Variants in ZBTB5 observed in about 807,000 individuals in gnomAD.
ZBTB5 encodes the protein zinc finger and BTB domain containing 5.
Under a neutral mutation model 37.9 loss-of-function variants are expected in ZBTB5, and 15 were observed. That is an observed-to-expected ratio of 0.40 (90% CI 0.26 to 0.61). The LOEUF (loss-of-function observed/expected upper bound fraction) is 0.61. Ranked by LOEUF, ZBTB5 falls within the 20% of genes least tolerant of loss-of-function variation. The probability of loss-of-function intolerance (pLI) is 0.47; values close to 1 mark genes in which losing one functional copy is unlikely to be tolerated. For synonymous variants in ZBTB5, 315 were observed against 312.4 expected (o/e 1.01, Z -0.09); for missense variants, 708 against 856.8 (o/e 0.83, Z 2.17).
chr9:37,446,184 A>G (rs1823974929), intron 1 of ZBTB5, among the ~76,000 whole-genome samples: 1 of 152,246 alleles, frequency 6.6e-6, no homozygotes, highest in Non-Finnish European at 1.5e-5. Context: ...ATGATATTCT[A>G]AAGGGATATA....
chr9:37,455,225 AAGG>A (rs530990077), intron 1 of ZBTB5, among the ~76,000 whole-genome samples: 135 of 152,246 alleles, frequency 8.9e-4, no homozygotes, highest in African/African-American at 3.0e-3. Context: ...GAGAGAAGAG[AAGG>A]AGCATCTGAA....
At chr9:37,451,555 CAAAAAA>C (rs67502719) in intron 1 of ZBTB5, among the ~76,000 whole-genome samples, 1 of 72,746 alleles carries the variant, frequency 1.4e-5, no homozygotes, top group African/African-American at 5.4e-5. Context: ...GAGACTATCT[CAAAAAA>C]AAAAAAAAAA....
At chr9:37,450,000 G>A (rs1320445651) in intron 1 of ZBTB5, among the ~76,000 whole-genome samples, 2 of 152,106 alleles carry the variant, frequency 1.3e-5, no homozygotes, top group Non-Finnish European at 2.9e-5. Context: ...AATAAGATTA[G>A]GGTGGAATGG....
In ZBTB5 at chr9:37,441,796, G is replaced by T; in HGVS notation, c.756C>A (p.Asn252Lys). The T allele has an allele frequency of 6.2e-7, 1 of 1,613,982 alleles. No individual in the cohort carries two copies. The highest frequency in any genetic ancestry group is 8.5e-7 in the Non-Finnish European group (1 of 1,179,996). ...DNPKADGMTD[N>K]QEDSAIMFDQ... ...CAAACATGATCGCACTATCTTCCTG[G>T]TTATCAGTCATTCCATCAGCTTTAG... The change falls in exon 2 of 2, where the codon AAC becomes AAA. Residue 252 changes from asparagine (N) to lysine (K), a missense_variant. By Grantham distance (94) the Asn-to-Lys change is moderately conservative. Around this residue, in one of 3 missense-constraint regions of ZBTB5, gnomAD observed 639 missense variants for 690.5 expected, o/e 0.93. Coordinates refer to ENST00000307750, the MANE Select transcript of ZBTB5 (RefSeq NM_014872.3).
chr9:37,441,057 C>T lies in ZBTB5; in HGVS notation c.1495G>A (p.Gly499Arg). The change falls in exon 2 of 2, where the codon GGA (glycine) becomes AGA (arginine). Residue 499 changes from glycine (G) to arginine (R), a missense_variant. Physicochemically the swap from Gly to Arg is moderately radical, Grantham distance 125. This residue lies in a region of ZBTB5 where 639 missense variants were observed against 690.5 expected (regional missense o/e 0.93). Coordinates refer to ENST00000307750, the MANE Select transcript of ZBTB5 (RefSeq NM_014872.3). ...PCVQTSGYQGGEQFGMDFSRS... is the reference protein window; with the variant it reads ...PCVQTSGYQGREQFGMDFSRS... Reference sequence around the variant, plus strand: ...GAAAAGTCCATCCCAAACTGTTCTCCTCCTTGGTAGCCTGAAGTCTGCACA... The same window carrying T: ...GAAAAGTCCATCCCAAACTGTTCTCTTCCTTGGTAGCCTGAAGTCTGCACA... 6.2e-7 allele frequency: 1 copy of T among 1,614,158 alleles called. No individual in the cohort carries two copies. Among genetic ancestry groups the T allele is most frequent in the Non-Finnish European group, 8.5e-7 (1 of 1,180,026 alleles).
chr9:37,447,462 T>G (rs1327193522), intron 1 of ZBTB5, among the ~76,000 whole-genome samples: 1 of 152,128 alleles, frequency 6.6e-6, no homozygotes, highest in Non-Finnish European at 1.5e-5. Flanking sequence ...AATATATATT[T>G]TTTACTGTGC....
chr9:37,441,123 G>A lies in ZBTB5; in HGVS notation c.1429C>T (p.His477Tyr). The A allele has an allele frequency of 6.2e-7, 1 of 1,613,972 alleles. No individual in the cohort carries two copies. Among genetic ancestry groups the A allele is most frequent in the East Asian group, 2.2e-5 (1 of 44,858 alleles). Residue 477 changes from histidine (H) to tyrosine (Y), a missense_variant, in exon 2 of 2, where the codon CAC becomes TAC. By Grantham distance (83) the His-to-Tyr change is moderately conservative. Around this residue, in one of 3 missense-constraint regions of ZBTB5, gnomAD observed 639 missense variants for 690.5 expected, o/e 0.93. Transcript: ENST00000307750. ...ACCTCCTGCATAGGCCTGACGAAGT[G>A]GGAGTCTGCAGGTTCACTAAATGGG... ...ENPFSEPADS[H>Y]FVRPMQEVMG...
intron 1 of ZBTB5, among the ~76,000 whole-genome samples, chr9:37,455,189 AG>A: frequency 1.3e-5 from 2 of 152,304 alleles, no homozygotes; most frequent in South Asian, 4.2e-4. Flanking sequence ...GAATGTGCAG[AG>A]GAGCATAAGA....
rs1823761937 is a variant in ZBTB5, at chr9:37,438,287, A to C, written c.*2231T>G. On this transcript the variant is annotated 3_prime_UTR_variant, in exon 2 of 2. Transcript: ENST00000307750. ...CTAACCAATCAAAATTCAGGTACCCAAAACCAGTTATAATCCAGGTAGAAA... is the reference window on the plus strand; with the variant it reads ...CTAACCAATCAAAATTCAGGTACCCCAAACCAGTTATAATCCAGGTAGAAA... 1.3e-5 allele frequency: 2 copies of C among 152,618 alleles called. No homozygotes were observed. Among genetic ancestry groups the C allele is most frequent in the Admixed American group, 1.3e-4 (2 of 15,276 alleles). The allele number at this position is 152,618 out of a possible 1,614,324, so 9.5% of individuals were successfully genotyped here. A position where few individuals can be genotyped will look rare whatever the true frequency, so the allele number is the denominator to read the frequency against.
intron 1 of ZBTB5, among the ~76,000 whole-genome samples, chr9:37,442,991 CCA>C (rs1298888878): frequency 2.0e-5 from 3 of 152,232 alleles, no homozygotes; most frequent in Non-Finnish European, 4.4e-5. Flanking sequence ...TGGAAGATTT[CCA>C]GTTATAGATG....
Position 37,441,348 on chromosome 9 carries a change from C to T in ZBTB5, c.1204G>A (p.Glu402Lys). 1 of 1,614,138 alleles carries T rather than the reference C, an allele frequency of 6.2e-7. No homozygotes were observed. Among genetic ancestry groups the T allele is most frequent in the Non-Finnish European group, 8.5e-7 (1 of 1,180,034 alleles). The change falls in exon 2 of 2, where the codon GAG (glutamate) becomes AAG (lysine). Residue 402 changes from glutamate to lysine, a missense_variant. This residue lies in a region of ZBTB5 where 639 missense variants were observed against 690.5 expected (regional missense o/e 0.93). Coordinates refer to ENST00000307750, the MANE Select transcript of ZBTB5 (RefSeq NM_014872.3). ...GAAATACTAAAAGTGGACTTATGCT[C>T]TAGGTTATTTGTGACTTCCAAAATA... Reference protein sequence around the residue: ...IHILEVTNNLEHKSTFSISNF... With the variant: ...IHILEVTNNLKHKSTFSISNF...
At chr9:37,448,632 A>C (rs1325544521) in intron 1 of ZBTB5, among the ~76,000 whole-genome samples, 1 of 152,250 alleles carries the variant, frequency 6.6e-6, no homozygotes, top group African/African-American at 2.4e-5. Context: ...GCAATTTATT[A>C]AGTCCTGATT....
intron 1 of ZBTB5, among the ~76,000 whole-genome samples, chr9:37,456,274 G>T (rs1824186946): frequency 6.6e-6 from 1 of 152,120 alleles, no homozygotes; most frequent in African/African-American, 2.4e-5. Context: ...ATTTTGACAG[G>T]GCTCCAAGTC....
rs1823798397 is a variant in ZBTB5, at chr9:37,439,065, T to C, written c.*1453A>G. On this transcript the variant is annotated 3_prime_UTR_variant, in exon 2 of 2. Transcript: ENST00000307750. ...GATTTATGAATGATGGTTTGGTATG[T>C]CTAAGAAAGCTATATAAAACATAAA... 1 of 152,196 alleles carries C rather than the reference T, an allele frequency of 6.6e-6. No homozygotes were observed. The highest frequency in any genetic ancestry group is 2.4e-5 in the African/African-American group (1 of 41,462). 9.4% of individuals were successfully genotyped at this position (152,196 alleles called of 1,614,324 possible). A position where few individuals can be genotyped will look rare whatever the true frequency, so the allele number is the denominator to read the frequency against.
chr9:37,460,440 C>A (rs534618981), intron 1 of ZBTB5, among the ~76,000 whole-genome samples: 16 of 151,620 alleles, frequency 1.1e-4, no homozygotes, highest in South Asian at 2.1e-4. Context: ...ACACTCCCCC[C>A]CCAAAAAAAT....
Position 37,440,925 on chromosome 9 carries a change from G to A in ZBTB5, c.1627C>T (p.Pro543Ser). ...PYYRRIAPKM[P>S]VVTSVRSSQI... ...GAGCTCCTGACGGAAGTTACAACTG[G>A]CATTTTGGGAGCTATGCGGCGGTAG... The change falls in exon 2 of 2, where the codon CCA (proline) becomes TCA (serine). Residue 543 changes from proline to serine, a missense_variant. Pro to Ser is a moderately conservative substitution (Grantham distance 74). Around this residue, in one of 3 missense-constraint regions of ZBTB5, gnomAD observed 639 missense variants for 690.5 expected, o/e 0.93. Coordinates refer to ENST00000307750, the MANE Select transcript of ZBTB5 (RefSeq NM_014872.3). The A allele has an allele frequency of 6.2e-7, 1 of 1,614,198 alleles. No individual in the cohort carries two copies. Among genetic ancestry groups the A allele is most frequent in the East Asian group, 2.2e-5 (1 of 44,890 alleles).
At position 37,442,407 on chromosome 9, in the gene ZBTB5, A is replaced by T; in HGVS notation, c.145T>A (p.Phe49Ile). Reference protein sequence around the residue: ...RSVLAACSTHFRALFSVAEGD... With the variant: ...RSVLAACSTHIRALFSVAEGD... ...TCTGCCACTGAGAACAGGGCTCGGA[A>T]ATGCGTGCTGCATGCTGCCAGCACG... Residue 49 changes from phenylalanine (F) to isoleucine (I), a missense_variant, in exon 2 of 2, where the codon TTC becomes ATC. Physicochemically the swap from Phe to Ile is conservative, Grantham distance 21. This residue lies in a region of ZBTB5 where 639 missense variants were observed against 690.5 expected (regional missense o/e 0.93). Transcript: ENST00000307750. The T allele has an allele frequency of 6.2e-7, 1 of 1,614,010 alleles. No individual in the cohort carries two copies. Among genetic ancestry groups the T allele is most frequent in the Middle Eastern group, 1.6e-4 (1 of 6,062 alleles).
intron 1 of ZBTB5, among the ~76,000 whole-genome samples, chr9:37,458,205 C>T (rs1039074353): frequency 6.6e-6 from 1 of 152,230 alleles, no homozygotes; most frequent in African/African-American, 2.4e-5. Flanking sequence ...TGCCAAACAT[C>T]TGTGCTGAAC....
chr9:37,442,024 G>A lies in ZBTB5; in HGVS notation c.528C>T (p.Arg176=). The change falls in exon 2 of 2, where the codon CGC becomes CGT. Residue 176 remains arginine (R), a synonymous_variant. Transcript: ENST00000307750. ...EQPAPMSSSM[R]SNLDQRTPFP... ...AGGGCGTGCGCTGATCCAGGTTACT[G>A]CGCATGGAAGAGCTCATGGGGGCTG... 1 of 1,613,854 alleles carries A rather than the reference G, an allele frequency of 6.2e-7. No homozygotes were observed. Among genetic ancestry groups the A allele is most frequent in the Non-Finnish European group, 8.5e-7 (1 of 1,180,040 alleles).
Sources: gnomAD v4.1 joint callset for allele counts (sites outside exome capture counted in the v4.1 genomes callset) on GRCh38, gnomAD v4.1.1 for gene constraint, gnomAD v4.1.1 regional missense constraint, MANE v1.5 for transcripts, NCBI Gene and HGNC (gene_info 2026-07-23, HGNC 2026-07-21) for gene names.